The following ASTN1 variants were observed in gnomAD, a reference collection of about 807,000 sequenced individuals.
ASTN1 encodes astrotactin-1.
ASTN1 carries 41 observed loss-of-function variants against 140.7 expected under a neutral mutation model. The observed-to-expected ratio is 0.29, with a 90% CI of 0.23 to 0.38. ASTN1 has a LOEUF of 0.38. Among genes scored for constraint, ASTN1 ranks in the 10% least tolerant of loss-of-function variants. ASTN1 has a pLI of 1.00. For missense variants in ASTN1, 1,479 were observed against 1,678.8 expected (o/e 0.88, Z 2.08); for synonymous variants, 640 against 652.2 (o/e 0.98, Z 0.29).
At chr1:177,041,463 A>G (rs1209106283) in intron 2 of ASTN1, among the ~76,000 whole-genome samples, 1 of 152,200 alleles carries the variant, frequency 6.6e-6, no homozygotes, top group Non-Finnish European at 1.5e-5. Context: ...TCAGCAACTC[A>G]TGGGCAGAGC....
chr1:176,894,854 A>T, intron 16 of ASTN1, 24 bp from the exon 17 acceptor site: 1 of 1,611,322 alleles, frequency 6.2e-7, no homozygotes, highest in Non-Finnish European at 8.5e-7. Flanking sequence ...ATGGAAAGAA[A>T]CAGTGAAGGA....
chr1:176,933,174 G>A (rs1400934949), intron 16 of ASTN1, among the ~76,000 whole-genome samples: 3 of 152,186 alleles, frequency 2.0e-5, no homozygotes, highest in African/African-American at 7.2e-5. Flanking sequence ...GGCCATCATA[G>A]CTCTGCTACC....
At chr1:176,870,202 TA>T (rs1272159144) in intron 21 of ASTN1, among the ~76,000 whole-genome samples, 2 of 152,224 alleles carry the variant, frequency 1.3e-5, no homozygotes, top group African/African-American at 4.8e-5. Flanking sequence ...GCTTGGAAAC[TA>T]AGATCTGGAG....
At chr1:177,109,816 G>T (rs1010097815) in intron 1 of ASTN1, among the ~76,000 whole-genome samples, 2 of 152,134 alleles carry the variant, frequency 1.3e-5, no homozygotes, top group African/African-American at 4.8e-5. Context: ...TCATAATAGA[G>T]AATCACAATT....
chr1:177,067,118 T>TC (rs1678401227), intron 1 of ASTN1, among the ~76,000 whole-genome samples: 1 of 151,944 alleles, frequency 6.6e-6, no homozygotes, highest in African/African-American at 2.4e-5. Context: ...GAGGGGGGGT[T>TC]CACAGAGCAG....
At chr1:176,894,127 T>C (rs902321797) in intron 17 of ASTN1, among the ~76,000 whole-genome samples, 32 of 152,250 alleles carry the variant, frequency 2.1e-4, no homozygotes, top group African/African-American at 7.5e-4. Flanking sequence ...CCTGATATGC[T>C]CCTTCTAGTC....
chr1:177,015,346 G>A (rs767928177), intron 7 of ASTN1, among the ~76,000 whole-genome samples: 11 of 152,162 alleles, frequency 7.2e-5, no homozygotes, highest in Non-Finnish European at 1.5e-4. Context: ...ACAGCCTTGA[G>A]AAAATTGAAG....
chr1:176,953,161 C>G (rs767979072), intron 11 of ASTN1, among the ~76,000 whole-genome samples: 1 of 152,120 alleles, frequency 6.6e-6, no homozygotes, highest in African/African-American at 2.4e-5. Flanking sequence ...CTTTTCCTAC[C>G]AGTGATTTTT....
chr1:177,070,406 C>T lies in ASTN1; in HGVS notation c.284-9141G>A, dbSNP rs186291332. On this transcript the variant is annotated intron_variant, in intron 1 of 22. Coordinates refer to ENST00000361833, the MANE Select transcript of ASTN1 (RefSeq NM_004319.3). The stretch of plus-strand genomic sequence containing the variant: ...AGTAAGGTCCTCTCTATGGCTCTTG[C>T]CTTATAAAATGAATGGAAAAAAGAA... Among the ~76,000 whole-genome samples the T allele has an allele frequency of 3.4e-3, 523 of 152,236 alleles. 2 individuals are homozygous for T. The Middle Eastern group carries it at 0.041, about 12-fold the overall frequency.
In ASTN1 at chr1:176,915,882, A is replaced by T. The variant is rs1473078478; in HGVS notation, c.2671+18270T>A. Among the ~76,000 whole-genome samples the T allele has an allele frequency of 7.9e-5, 12 of 152,340 alleles. No homozygotes were observed. The East Asian group carries it at 1.5e-3, about 20-fold the overall frequency. On this transcript the variant is annotated intron_variant, in intron 16 of 22. Coordinates refer to ENST00000361833, the MANE Select transcript of ASTN1 (RefSeq NM_004319.3). ...GTTAAATTTAGAATTAAAACCAATT[A>T]AAAGATAACAAGAAAACATATGCTT...
intron 1 of ASTN1, among the ~76,000 whole-genome samples, chr1:177,088,690 G>A (rs1252335138): frequency 2.0e-5 from 3 of 152,020 alleles, no homozygotes; most frequent in Non-Finnish European, 4.4e-5. Context: ...AAGGCACACA[G>A]CCCAGAGGAT....
intron 1 of ASTN1, among the ~76,000 whole-genome samples, chr1:177,142,322 G>A (rs907241651): frequency 2.0e-5 from 3 of 151,382 alleles, no homozygotes; most frequent in African/African-American, 2.4e-5. Flanking sequence ...TACATGATAT[G>A]CAAACTCAGG....
At chr1:177,060,114 C>G (rs1382591053) in intron 2 of ASTN1, among the ~76,000 whole-genome samples, 1 of 152,308 alleles carries the variant, frequency 6.6e-6, no homozygotes, top group African/African-American at 2.4e-5. Context: ...GGGGACACAT[C>G]AGTAAAAAAA....
In ASTN1 at chr1:177,164,506, G is replaced by A. The variant is rs750522265; in HGVS notation, c.171C>T (p.His57=). Residue 57 remains histidine, a synonymous_variant, in exon 1 of 23, where the codon CAC becomes CAT. Transcript: ENST00000361833. ...FLRENDLSIM[H]SPSASEPKLL... ...GCTTGGGCTCCGAGGCCGAGGGGCT[G>A]TGCATGATGCTCAGGTCGTTCTCGC... 2.5e-6 allele frequency: 4 copies of A among 1,613,840 alleles called. No individual in the cohort carries two copies. The Admixed American group carries it at 5.0e-5, about 20-fold the overall frequency.
intron 1 of ASTN1, among the ~76,000 whole-genome samples, chr1:177,156,933 G>T (rs558447374): frequency 6.6e-6 from 1 of 152,134 alleles, no homozygotes; most frequent in South Asian, 2.1e-4. Context: ...GACAAATACC[G>T]ATTGAGGAAC....
At chr1:177,041,309 G>C (rs149174678) in intron 2 of ASTN1, among the ~76,000 whole-genome samples, 76 of 152,332 alleles carry the variant, frequency 5.0e-4, no homozygotes, top group African/African-American at 1.7e-3. Context: ...TCAGCATCAT[G>C]TGTTAAGAGG....
At chr1:176,959,181 A>G (rs569086390) in intron 9 of ASTN1, among the ~76,000 whole-genome samples, 1 of 152,312 alleles carries the variant, frequency 6.6e-6, no homozygotes, top group South Asian at 2.1e-4. Flanking sequence ...TAAGAAAACC[A>G]TGAGAGATTA....
rs1682885880 is a variant in ASTN1 at position 177,149,269 on chromosome 1, C to CTATATATAGTAAATATATATATAG, written c.283+15101_283+15124dup. ...ACTATATATAGTAAATATATATATA[C>CTATATATAGTAAATATATATATAG]TATATATAGTAAATATATATATAGT... On this transcript the variant is annotated intron_variant, in intron 1 of 22. Coordinates refer to ENST00000361833, the MANE Select transcript of ASTN1 (RefSeq NM_004319.3). Among the ~76,000 whole-genome samples the CTATATATAGTAAATATATATATAG allele has an allele frequency of 2.1e-4, 14 of 67,240 alleles. 1 individual carries two copies. The highest frequency in any genetic ancestry group is 1.1e-3 in the African/African-American group (14 of 12,246). 44.1% of individuals were successfully genotyped at this position (67,240 alleles called of 152,430 possible). A position where few individuals can be genotyped will look rare whatever the true frequency, so the allele number is the denominator to read the frequency against.
At chr1:177,129,726 T>A (rs1322738213) in intron 1 of ASTN1, among the ~76,000 whole-genome samples, 1 of 152,172 alleles carries the variant, frequency 6.6e-6, no homozygotes, top group Non-Finnish European at 1.5e-5. Flanking sequence ...CCCAGCACTT[T>A]GGGAGGCCGA....
Sources: gnomAD v4.1 joint callset for allele counts (sites outside exome capture counted in the v4.1 genomes callset) on GRCh38, gnomAD v4.1.1 for gene constraint, MANE v1.5 for transcripts, NCBI Gene and HGNC (gene_info 2026-07-23, HGNC 2026-07-21) for gene names.